The following CAMK1D variants were observed in gnomAD, a reference collection of about 807,000 sequenced individuals.
CAMK1D encodes the protein calcium/calmodulin dependent protein kinase ID.
In CAMK1D, 9 loss-of-function variants were observed where a neutral mutation model predicts 47.7. That is an observed-to-expected ratio of 0.19 (90% CI 0.11 to 0.33). The LOEUF is 0.33. CAMK1D is among the 10% of genes least tolerant of loss of function. The pLI is 1.00. For missense variants in CAMK1D, 291 were observed against 488.7 expected, an observed-to-expected ratio of 0.60 and a Z score of 3.81; for synonymous variants, 184 against 184.9, an observed-to-expected ratio of 0.99 and a Z score of 0.04.
chr10:12,825,906 G>A, intron 10 of CAMK1D: 1 of 656,312 alleles, frequency 1.5e-6, no homozygotes, highest in Non-Finnish European at 2.5e-6. Context: ...GGAGGCTGAG[G>A]CAGGAGGACT....
intron 2 of CAMK1D, among the ~76,000 whole-genome samples, chr10:12,620,206 A>T (rs895538122): frequency 2.6e-4 from 39 of 151,046 alleles, no homozygotes; most frequent in African/African-American, 7.2e-4. Context: ...AAAAAAAAAA[A>T]AAAAAAAAAA....
rs76319053 is a variant in CAMK1D, at chr10:12,552,598, C to T, written c.93-627C>T. 7.7e-3 allele frequency among the ~76,000 whole-genome samples: 1,178 copies of T among 152,260 alleles called. 35 individuals are homozygous for T. The East Asian group carries it at 0.084, about 11-fold the overall frequency. ...CTGTAGGAGGAACCTCTTGTGGGAG[C>T]GTTCTTGTTGGCTCCAAAGTGACGC... On this transcript the variant is annotated intron_variant, in intron 1 of 10. Coordinates refer to ENST00000619168, the MANE Select transcript of CAMK1D (RefSeq NM_153498.4).
chr10:12,677,072 A>T (rs2132593145), intron 3 of CAMK1D, among the ~76,000 whole-genome samples: 1 of 152,316 alleles, frequency 6.6e-6, no homozygotes, highest in Non-Finnish European at 1.5e-5. Context: ...CCCCCAAGGC[A>T]TGAAAATAGA....
In CAMK1D at chr10:12,349,792, C is replaced by G. The variant is rs1288663296; in HGVS notation, c.-27C>G. Reference sequence around the variant, plus strand: ...GCCCCCTCCCCAGCGCGCCCCCGGCCGCTCCTCCGCGCCGCGCTCGTCGGC... The same window carrying G: ...GCCCCCTCCCCAGCGCGCCCCCGGCGGCTCCTCCGCGCCGCGCTCGTCGGC... On this transcript the variant is annotated 5_prime_UTR_variant, in exon 1 of 11. Coordinates refer to ENST00000619168, the MANE Select transcript of CAMK1D (RefSeq NM_153498.4). 6.2e-6 allele frequency: 8 copies of G among 1,298,934 alleles called. No individual in the cohort carries two copies. The highest frequency in any genetic ancestry group is 8.0e-6 in the Non-Finnish European group (8 of 994,532). 80.5% of individuals were successfully genotyped at this position (1,298,934 alleles called of 1,614,324 possible).
intron 3 of CAMK1D, among the ~76,000 whole-genome samples, chr10:12,749,363 G>A (rs986222755): frequency 1.3e-5 from 2 of 149,556 alleles, no homozygotes; most frequent in South Asian, 2.1e-4. Flanking sequence ...TCTTGTTGCA[G>A]TGTTCCCATT....
At chr10:12,818,670 C>CA (rs36034904) in intron 8 of CAMK1D, among the ~76,000 whole-genome samples, 28,757 of 135,268 alleles carry the variant, frequency 0.21, 3,398 homozygotes, top group African/African-American at 0.35. Flanking sequence ...GACTCTGTCC[C>CA]AAAAAAAAAA....
At chr10:12,554,750 C>T (rs185182972) in intron 2 of CAMK1D, among the ~76,000 whole-genome samples, 82 of 151,554 alleles carry the variant, frequency 5.4e-4, no homozygotes, top group African/African-American at 1.9e-3. Flanking sequence ...CACTGTGTTG[C>T]CCAGGCTGGT....
intron 1 of CAMK1D, among the ~76,000 whole-genome samples, chr10:12,542,847 G>C (rs1438619827): frequency 6.6e-6 from 1 of 152,044 alleles, no homozygotes; most frequent in Non-Finnish European, 1.5e-5. Flanking sequence ...CCGGGTTTGA[G>C]CAATTCTCCT....
chr10:12,410,721 C>A (rs778431646), intron 1 of CAMK1D, among the ~76,000 whole-genome samples: 1 of 152,064 alleles, frequency 6.6e-6, no homozygotes, highest in Non-Finnish European at 1.5e-5. Context: ...GAATGACACA[C>A]GTTTAGCAGG....
At chr10:12,370,743 G>T (rs958373496) in intron 1 of CAMK1D, among the ~76,000 whole-genome samples, 4 of 152,066 alleles carry the variant, frequency 2.6e-5, no homozygotes, top group South Asian at 4.1e-4. Context: ...TGAGTAGCTG[G>T]GACTACAGGC....
At chr10:12,816,349 A>G (rs1832791411) in intron 8 of CAMK1D, 21 bp downstream of exon 8, 1 of 1,607,328 alleles carries the variant, frequency 6.2e-7, no homozygotes, top group Non-Finnish European at 8.5e-7. Context: ...GCACCCGCTC[A>G]GCAGACCGTG....
At chr10:12,644,553 C>T (rs1031307185) in intron 2 of CAMK1D, among the ~76,000 whole-genome samples, 2 of 152,178 alleles carry the variant, frequency 1.3e-5, no homozygotes, top group African/African-American at 2.4e-5. Flanking sequence ...CTGCACCTGG[C>T]GATGCTTAGT....
chr10:12,807,485 C>G (rs772699781), intron 6 of CAMK1D, among the ~76,000 whole-genome samples: 2 of 152,130 alleles, frequency 1.3e-5, no homozygotes, highest in Non-Finnish European at 2.9e-5. Flanking sequence ...GAGCTAATTA[C>G]CAGGGATGGG....
intron 1 of CAMK1D, among the ~76,000 whole-genome samples, chr10:12,372,632 T>G (rs1838037146): frequency 6.6e-6 from 1 of 152,194 alleles, no homozygotes; most frequent in South Asian, 2.1e-4. Context: ...TTTTATTAAT[T>G]AATCGAGACA....
At chr10:12,444,064 C>T (rs1204949642) in intron 1 of CAMK1D, among the ~76,000 whole-genome samples, 4 of 152,106 alleles carry the variant, frequency 2.6e-5, no homozygotes, top group Admixed American at 1.3e-4. Context: ...ATGGCGCTGG[C>T]GGGAGTGTAG....
chr10:12,359,340 T>G (rs1198805044), intron 1 of CAMK1D, among the ~76,000 whole-genome samples: 1 of 152,308 alleles, frequency 6.6e-6, no homozygotes, highest in East Asian at 1.9e-4. Flanking sequence ...AGAGGCCATT[T>G]CCACAGATTT....
intron 1 of CAMK1D, among the ~76,000 whole-genome samples, chr10:12,526,966 G>A (rs973806458): frequency 1.3e-5 from 2 of 151,050 alleles, no homozygotes; most frequent in African/African-American, 2.4e-5. Flanking sequence ...TGGGAGGATC[G>A]ACTGAACCAG....
intron 3 of CAMK1D, among the ~76,000 whole-genome samples, chr10:12,676,636 A>G (rs1035620021): frequency 1.3e-5 from 2 of 152,214 alleles, no homozygotes; most frequent in Admixed American, 1.3e-4. Context: ...GAACCTGAGC[A>G]GAGAGGTTGG....
intron 1 of CAMK1D, among the ~76,000 whole-genome samples, chr10:12,362,539 C>T (rs1209941616): frequency 6.6e-6 from 1 of 152,188 alleles, no homozygotes; most frequent in Non-Finnish European, 1.5e-5. Flanking sequence ...GCCCCGTCCC[C>T]CAGGCTGGAG....
Sources: gnomAD v4.1 joint callset for allele counts (sites outside exome capture counted in the v4.1 genomes callset) on GRCh38, gnomAD v4.1.1 for gene constraint, MANE v1.5 for transcripts, NCBI Gene and HGNC (gene_info 2026-07-23, HGNC 2026-07-21) for gene names.